WDR27: variants seen among roughly 807,000 people sequenced by gnomAD.
The protein encoded by WDR27 is WD repeat-containing protein 27.
Under a neutral mutation model 114.4 loss-of-function variants are expected in WDR27, and 100 were observed. That is an observed-to-expected ratio of 0.87 (90% CI 0.74 to 1.03). The LOEUF is 1.03. Among genes scored for constraint, WDR27 ranks in the 50% least tolerant of loss-of-function variants. The pLI is 0.00. For synonymous variants in WDR27, 449 were observed against 423.1 expected (o/e 1.06, Z -0.75); for missense variants, 1,129 against 1,092.9 (o/e 1.03, Z -0.47).
intron 25 of WDR27, among the ~76,000 whole-genome samples, chr6:169,508,052 G>T: frequency 6.6e-6 from 1 of 152,232 alleles, no homozygotes; most frequent in East Asian, 1.9e-4. Flanking sequence ...GGGCACAGCA[G>T]AGTGTGGATT....
At chr6:169,605,580 T>C (rs1458296092) in intron 22 of WDR27, among the ~76,000 whole-genome samples, 2 of 106,256 alleles carry the variant, frequency 1.9e-5, no homozygotes, top group East Asian at 5.7e-4. Flanking sequence ...AAAATACCAA[T>C]GTCATTTTTT....
At chr6:169,580,549 G>A (rs997607939) in intron 24 of WDR27, among the ~76,000 whole-genome samples, 12 of 152,210 alleles carry the variant, frequency 7.9e-5, no homozygotes, top group Admixed American at 2.0e-4. Context: ...ACCATCCCAC[G>A]TGCTTCTTTA....
rs143690669 is a variant in WDR27, at chr6:169,532,373, C to T, written c.2645+40046G>A. ...TAGAAAATCTTCTCAAATAAGTTTA[C>T]TTCATTTATTTCTAATTGCAAAAAA... On this transcript the variant is annotated intron_variant, in intron 25 of 25. Transcript: ENST00000448612. 2.3e-3 allele frequency among the ~76,000 whole-genome samples: 348 copies of T among 152,178 alleles called. 2 individuals carry two copies. The highest frequency in any genetic ancestry group is 0.01 in the Middle Eastern group (3 of 292).
chr6:169,658,565 C>T (rs1223020805), intron 12 of WDR27, among the ~76,000 whole-genome samples: 1 of 152,080 alleles, frequency 6.6e-6, no homozygotes, highest in East Asian at 1.9e-4. Context: ...TTATAATGTA[C>T]ATTCTATTAT....
intron 25 of WDR27, among the ~76,000 whole-genome samples, chr6:169,458,716 G>T (rs181569858): frequency 4.1e-4 from 63 of 151,928 alleles, no homozygotes; most frequent in South Asian, 1.2e-3. Context: ...GAACCCAGGA[G>T]GGGGAGATTC....
downstream of WDR27, among the ~76,000 whole-genome samples, chr6:169,453,201 C>A (rs911839): frequency 1.3e-5 from 2 of 152,010 alleles, no homozygotes; most frequent in African/African-American, 4.8e-5. Context: ...GCTGGATGGA[C>A]AGTGATCTGG....
chr6:169,508,466 A>G (rs1172195584), intron 25 of WDR27, among the ~76,000 whole-genome samples: 1 of 152,130 alleles, frequency 6.6e-6, no homozygotes, highest in Non-Finnish European at 1.5e-5. Flanking sequence ...AATTATTTTT[A>G]ATTTCTTTTT....
chr6:169,573,803 C>T (rs924305952), intron 24 of WDR27, among the ~76,000 whole-genome samples: 6 of 152,202 alleles, frequency 3.9e-5, no homozygotes, highest in African/African-American at 1.4e-4. Context: ...GAACAGTAGG[C>T]TCCCTCTGCA....
chr6:169,683,625 C>G (rs756502415), intron 2 of WDR27, among the ~76,000 whole-genome samples: 7 of 152,152 alleles, frequency 4.6e-5, no homozygotes, highest in Non-Finnish European at 8.8e-5. Context: ...GATGATGCAC[C>G]TGTGGTGACT....
At chr6:169,690,953 C>T (rs1784339709) in intron 1 of WDR27, among the ~76,000 whole-genome samples, 1 of 152,214 alleles carries the variant, frequency 6.6e-6, no homozygotes, top group Non-Finnish European at 1.5e-5. Flanking sequence ...CGGTCGCTCA[C>T]GCCTGTAATC....
intron 18 of WDR27, among the ~76,000 whole-genome samples, chr6:169,637,106 T>C (rs372254955): frequency 2.6e-5 from 4 of 152,228 alleles, no homozygotes; most frequent in African/African-American, 7.2e-5. Flanking sequence ...CATAATTTCA[T>C]GATTTGAAGG....
intron 14 of WDR27, among the ~76,000 whole-genome samples, chr6:169,650,724 T>C (rs996260681): frequency 1.4e-5 from 2 of 147,466 alleles, no homozygotes; most frequent in African/African-American, 5.1e-5. Context: ...CACCCACTCA[T>C]CCATCTCTCA....
intron 13 of WDR27, among the ~76,000 whole-genome samples, chr6:169,654,527 A>G (rs1426957777): frequency 6.6e-6 from 1 of 152,240 alleles, no homozygotes; most frequent in Non-Finnish European, 1.5e-5. Context: ...ACACCTCTGT[A>G]TCGTCACTGG....
chr6:169,614,333 G>A (rs1409610238), intron 21 of WDR27, among the ~76,000 whole-genome samples: 1 of 152,136 alleles, frequency 6.6e-6, no homozygotes, highest in Non-Finnish European at 1.5e-5. Flanking sequence ...GTGCCTACAA[G>A]TCATCCTTCA....
chr6:169,689,175 G>A (rs1783831078), intron 1 of WDR27, 163 bp from the exon 2 acceptor site: 17 of 486,102 alleles, frequency 3.5e-5, no homozygotes, highest in South Asian at 1.1e-4. Flanking sequence ...AGAAATTGCC[G>A]AAAACTCTGG....
intron 16 of WDR27, 24 bp from the exon 17 acceptor site, chr6:169,643,810 G>T: frequency 6.3e-7 from 1 of 1,592,108 alleles, no homozygotes; most frequent in Non-Finnish European, 8.6e-7. Flanking sequence ...TTTAAAAAAA[G>T]ACTTCTTAGA....
chr6:169,600,663 G>A (rs972101701), intron 23 of WDR27, among the ~76,000 whole-genome samples: 2 of 152,196 alleles, frequency 1.3e-5, no homozygotes, highest in Non-Finnish European at 2.9e-5. Flanking sequence ...ACTACGTGAC[G>A]AATGCACAAG....
intron 25 of WDR27, among the ~76,000 whole-genome samples, chr6:169,557,629 G>T (rs1165020550): frequency 6.6e-6 from 1 of 151,970 alleles, no homozygotes; most frequent in East Asian, 1.9e-4. Flanking sequence ...CTTTTATTTT[G>T]ATTAAAAACA....
At chr6:169,615,299 T>C (rs1811537004) in intron 21 of WDR27, among the ~76,000 whole-genome samples, 1 of 152,116 alleles carries the variant, frequency 6.6e-6, no homozygotes, top group Admixed American at 6.5e-5. Flanking sequence ...GCACAGGGGT[T>C]TGTTGTACAG....
Sources: allele counts gnomAD v4.1 joint callset (sites outside exome capture counted in the v4.1 genomes callset), GRCh38; gene constraint gnomAD v4.1.1; transcripts MANE v1.5; gene names NCBI Gene and HGNC (gene_info 2026-07-23, HGNC 2026-07-21).